GABRA5: variants seen among roughly 807,000 people sequenced by gnomAD.
GABRA5 encodes gamma-aminobutyric acid receptor subunit alpha-5.
Under a neutral mutation model 47.3 loss-of-function variants are expected in GABRA5, and 18 were observed. The observed-to-expected ratio is 0.38, with a 90% CI of 0.26 to 0.56. The LOEUF is 0.56. Among genes scored for constraint, GABRA5 ranks in the 20% least tolerant of loss-of-function variants. The pLI, the probability that GABRA5 is intolerant of heterozygous loss-of-function variation, is 0.71. For synonymous variants in GABRA5, 237 were observed against 229.3 expected, an observed-to-expected ratio of 1.03 and a Z score of -0.30; for missense variants, 365 against 599.3, an observed-to-expected ratio of 0.61 and a Z score of 4.08.
chr15:26,943,467 C>T (rs1595438522), intron 10 of GABRA5, 41 bp downstream of exon 10: 2 of 1,507,206 alleles, frequency 1.3e-6, no homozygotes, highest in African/African-American at 2.8e-5. Flanking sequence ...GTCCCCTTGA[C>T]AGAGAAAGTG....
intron 6 of GABRA5, among the ~76,000 whole-genome samples, chr15:26,899,843 C>T (rs1893285032): frequency 6.6e-6 from 1 of 152,090 alleles, no homozygotes; most frequent in African/African-American, 2.4e-5. Context: ...ATCGATTCTG[C>T]CAATACCTGC....
At chr15:26,942,127 T>C (rs1894399105) in intron 9 of GABRA5, among the ~76,000 whole-genome samples, 1 of 152,168 alleles carries the variant, frequency 6.6e-6, no homozygotes, top group Non-Finnish European at 1.5e-5. Flanking sequence ...TAGTCTCATC[T>C]CCTTGCTGGC....
At chr15:26,870,092 A>G (rs544930346) in intron 3 of GABRA5, among the ~76,000 whole-genome samples, 1 of 152,228 alleles carries the variant, frequency 6.6e-6, no homozygotes, top group Non-Finnish European at 1.5e-5. Flanking sequence ...TTGATGGCAT[A>G]TAATTAAGAA....
chr15:26,939,366 A>G (rs1195433852), intron 8 of GABRA5: 2 of 765,212 alleles, frequency 2.6e-6, no homozygotes, highest in South Asian at 2.7e-5. Flanking sequence ...TTCAAAGAAC[A>G]GGCGACACCT....
At chr15:26,894,901 T>C (rs1893142295) in intron 6 of GABRA5, among the ~76,000 whole-genome samples, 1 of 152,072 alleles carries the variant, frequency 6.6e-6, no homozygotes, top group Non-Finnish European at 1.5e-5. Context: ...GGGTCCGACT[T>C]CTGTCTATTT....
intron 6 of GABRA5, among the ~76,000 whole-genome samples, chr15:26,898,437 C>T (rs1278092846): frequency 2.0e-5 from 3 of 152,188 alleles, no homozygotes; most frequent in Admixed American, 1.3e-4. Flanking sequence ...TTGAAAGAGT[C>T]TGCGTTGTTA....
At chr15:26,944,074 C>G (rs1359412050) in intron 10 of GABRA5, among the ~76,000 whole-genome samples, 1 of 152,224 alleles carries the variant, frequency 6.6e-6, no homozygotes. Context: ...AGAAAACAAA[C>G]ACACAAATCT....
At chr15:26,931,691 C>T (rs932284080) in intron 7 of GABRA5, among the ~76,000 whole-genome samples, 3 of 152,114 alleles carry the variant, frequency 2.0e-5, no homozygotes, top group Non-Finnish European at 4.4e-5. Context: ...ATTTGGAATT[C>T]ATAGATGGGA....
Position 26,948,548 on chromosome 15 carries a change from C to T in GABRA5, c.*315C>T, listed in dbSNP as rs1214446520. The T allele has an allele frequency of 4.0e-6, 1 of 252,764 alleles. No individual in the cohort carries two copies. The highest frequency in any genetic ancestry group is 7.6e-6 in the Non-Finnish European group (1 of 131,456). 15.7% of individuals were successfully genotyped at this position (252,764 alleles called of 1,614,324 possible). On this transcript the variant is annotated 3_prime_UTR_variant, in exon 11 of 11. Coordinates refer to ENST00000335625, the MANE Select transcript of GABRA5 (RefSeq NM_000810.4). ...ATATTTTTAACTGCTTCAAGTGTTA[C>T]CTAACAATGTTTTTTATACTTCAAA...
rs757922277 is a variant in GABRA5 at position 26,937,279 on chromosome 15, C to T, written c.675C>T (p.Tyr225=). Residue 225 remains tyrosine (Y), a synonymous_variant, in exon 8 of 11, where the codon TAC becomes TAT. Coordinates refer to ENST00000335625, the MANE Select transcript of GABRA5 (RefSeq NM_000810.4). ...AAGATGGCTCCAGACTGAACCAGTA[C>T]CACCTGATGGGGCAGACGGTGGGCA... ...VAEDGSRLNQ[Y]HLMGQTVGTE... 1.2e-5 allele frequency: 19 copies of T among 1,613,894 alleles called. No individual in the cohort carries two copies. Among genetic ancestry groups the T allele is most frequent in the Non-Finnish European group, 1.6e-5 (19 of 1,179,842 alleles).
At chr15:26,881,932 G>T (rs887296801) in intron 4 of GABRA5, among the ~76,000 whole-genome samples, 1 of 152,072 alleles carries the variant, frequency 6.6e-6, no homozygotes, top group African/African-American at 2.4e-5. Flanking sequence ...ACTCCAGACC[G>T]CAGGCGATCC....
intron 7 of GABRA5, among the ~76,000 whole-genome samples, chr15:26,926,099 G>A (rs1893956544): frequency 6.6e-6 from 1 of 152,166 alleles, no homozygotes; most frequent in Non-Finnish European, 1.5e-5. Context: ...CAAGGGAGAT[G>A]GAGGGGTCCT....
At chr15:26,882,256 G>T (rs575655353) in intron 4 of GABRA5, among the ~76,000 whole-genome samples, 1 of 152,294 alleles carries the variant, frequency 6.6e-6, no homozygotes, top group Non-Finnish European at 1.5e-5. Flanking sequence ...GGATACCATG[G>T]AAAGCCTCCC....
At chr15:26,917,775 T>C (rs1250725924) in intron 7 of GABRA5, among the ~76,000 whole-genome samples, 2 of 152,100 alleles carry the variant, frequency 1.3e-5, no homozygotes, top group Admixed American at 6.5e-5. Flanking sequence ...TATTTCTTTG[T>C]GATTCAGTCT....
intron 3 of GABRA5, among the ~76,000 whole-genome samples, chr15:26,872,898 T>A (rs1208041778): frequency 1.3e-5 from 2 of 152,230 alleles, no homozygotes; most frequent in East Asian, 3.9e-4. Context: ...GGATAACTGA[T>A]ATGAAATTGC....
chr15:26,933,331 G>A (rs1316555753), intron 7 of GABRA5, among the ~76,000 whole-genome samples: 1 of 152,146 alleles, frequency 6.6e-6, no homozygotes, highest in African/African-American at 2.4e-5. Flanking sequence ...CAGATGACTT[G>A]GGAAATACTG....
intron 7 of GABRA5, among the ~76,000 whole-genome samples, chr15:26,918,377 A>AT (rs1303807844): frequency 6.6e-6 from 1 of 152,096 alleles, no homozygotes; most frequent in Non-Finnish European, 1.5e-5. Context: ...GTCTTCTTAA[A>AT]TTGATTACAT....
Position 26,940,014 on chromosome 15 carries a change from G to A in GABRA5, c.814G>A (p.Val272Met). 2 of 1,613,944 alleles carry A rather than the reference G, an allele frequency of 1.2e-6. No individual in the cohort carries two copies. Among genetic ancestry groups the A allele is most frequent in the Non-Finnish European group, 8.5e-7 (1 of 1,179,868 alleles). ...GACCTACCTTCCCTGCATAATGACC[G>A]TGATCTTATCACAGGTGTCCTTTTG... The part of the protein sequence containing the change: ...IQTYLPCIMT[V>M]ILSQVSFWLN... The change falls in exon 9 of 11, where the codon GTG becomes ATG. Residue 272 changes from valine to methionine, a missense_variant. Val to Met is a conservative substitution (Grantham distance 21). Around this residue, in one of 3 missense-constraint regions of GABRA5, gnomAD observed 43 missense variants for 133.7 expected, o/e 0.32. Coordinates refer to ENST00000335625, the MANE Select transcript of GABRA5 (RefSeq NM_000810.4).
intron 6 of GABRA5, among the ~76,000 whole-genome samples, chr15:26,893,021 G>T (rs1893050227): frequency 6.7e-6 from 1 of 149,964 alleles, no homozygotes; most frequent in Admixed American, 6.6e-5. Flanking sequence ...TGTGTTTATG[G>T]TGCGTTTGTA....
Sources: allele counts gnomAD v4.1 joint callset (sites outside exome capture counted in the v4.1 genomes callset), GRCh38; gene constraint gnomAD v4.1.1; regional missense constraint gnomAD v4.1.1; transcripts MANE v1.5; gene names NCBI Gene and HGNC (gene_info 2026-07-23, HGNC 2026-07-21).